The following GPC5 variants were observed in gnomAD, a reference collection of about 807,000 sequenced individuals.
GPC5 encodes glypican-5.
GPC5 carries 47 observed loss-of-function variants against 53.9 expected under a neutral mutation model. The ratio of observed to expected loss-of-function variants is 0.87; its 90% CI spans 0.69 to 1.11. The LOEUF is 1.11. GPC5 is among the 50% of genes most tolerant of loss of function. The probability of loss-of-function intolerance (pLI) is 0.00; values close to 1 mark genes in which losing one functional copy is unlikely to be tolerated. For missense variants in GPC5, 748 were observed against 713.1 expected (o/e 1.05, Z -0.56); for synonymous variants, 286 against 263.3 (o/e 1.09, Z -0.84).
intron 1 of GPC5, among the ~76,000 whole-genome samples, chr13:91,448,216 T>C (rs1880933936): frequency 6.6e-6 from 1 of 152,238 alleles, no homozygotes; most frequent in African/African-American, 2.4e-5. Context: ...GATGCTGAGC[T>C]TGGGCCCATG....
intron 2 of GPC5, among the ~76,000 whole-genome samples, chr13:91,639,386 T>A (rs553828920): frequency 3.9e-5 from 6 of 152,206 alleles, no homozygotes; most frequent in Non-Finnish European, 8.8e-5. Context: ...TTCTGATGAT[T>A]CATAAACTGA....
intron 6 of GPC5, among the ~76,000 whole-genome samples, chr13:92,084,203 GT>G (rs1359871175): frequency 6.6e-6 from 1 of 152,180 alleles, no homozygotes. Context: ...AGGTTGATAG[GT>G]GTAACAAACC....
At chr13:91,623,519 C>G (rs1208446080) in intron 2 of GPC5, among the ~76,000 whole-genome samples, 1 of 152,052 alleles carries the variant, frequency 6.6e-6, no homozygotes, top group Non-Finnish European at 1.5e-5. Context: ...CCATGGGAAG[C>G]AATGGTTTGG....
chr13:92,264,878 CTGTGTGTGTGTG>C (rs71815584), intron 7 of GPC5, among the ~76,000 whole-genome samples: 2,676 of 104,714 alleles, frequency 0.026, 87 homozygotes, highest in African/African-American at 0.076. Flanking sequence ...CTCTCTCTCT[CTGTGTGTGTGTG>C]TGTGTGTGTG....
At chr13:92,606,823 G>A (rs983396578) in intron 7 of GPC5, among the ~76,000 whole-genome samples, 6 of 151,974 alleles carry the variant, frequency 3.9e-5, no homozygotes, top group Non-Finnish European at 7.4e-5. Context: ...TATGACTGCC[G>A]TCTTGACCAT....
intron 7 of GPC5, among the ~76,000 whole-genome samples, chr13:92,335,726 TG>T (rs1165111351): frequency 6.6e-6 from 1 of 152,214 alleles, no homozygotes; most frequent in Non-Finnish European, 1.5e-5. Context: ...AGGGTTAAAA[TG>T]CTGCCAGTCT....
chr13:92,180,958 C>T (rs566160378), intron 7 of GPC5: 2 of 153,238 alleles, frequency 1.3e-5, no homozygotes, highest in East Asian at 1.9e-4. Flanking sequence ...GTAAAATACA[C>T]CTTCAGCTAC....
intron 7 of GPC5, among the ~76,000 whole-genome samples, chr13:92,630,135 T>C (rs1263553515): frequency 6.6e-6 from 1 of 152,162 alleles, no homozygotes; most frequent in Non-Finnish European, 1.5e-5. Flanking sequence ...TTTGATAAAA[T>C]ATGACAGTCA....
intron 7 of GPC5, among the ~76,000 whole-genome samples, chr13:92,613,386 T>TAA (rs1566320327): frequency 1.4e-5 from 1 of 70,706 alleles, no homozygotes; most frequent in African/African-American, 4.5e-5. Context: ...TATATTATAT[T>TAA]ATATATAAAT....
chr13:91,927,483 T>C (rs1273437171), intron 6 of GPC5, among the ~76,000 whole-genome samples: 1 of 152,132 alleles, frequency 6.6e-6, no homozygotes, highest in Non-Finnish European at 1.5e-5. Context: ...ATTGATGCAT[T>C]ATATTTATCT....
intron 6 of GPC5, among the ~76,000 whole-genome samples, chr13:92,064,756 C>CAAAAAAAAAAAAAAAAAAAAAA (rs1175120330): frequency 0.046 from 1,485 of 32,340 alleles, 265 homozygotes; most frequent in Non-Finnish European, 0.066. Flanking sequence ...GACTCCGTCT[C>CAAAAAAAAAAAAAAAAAAAAAA]AAAAAAAAAA....
intron 7 of GPC5, among the ~76,000 whole-genome samples, chr13:92,329,242 G>A (rs376008831): frequency 6.6e-6 from 1 of 152,130 alleles, no homozygotes; most frequent in Non-Finnish European, 1.5e-5. Flanking sequence ...AGGAAGCATG[G>A]CATCCGCAGC....
chr13:91,415,464 C>T (rs1176798066), intron 1 of GPC5, among the ~76,000 whole-genome samples: 2 of 152,110 alleles, frequency 1.3e-5, no homozygotes, highest in East Asian at 3.9e-4. Context: ...TTCCCCAGTC[C>T]ACAGCCGCAC....
chr13:91,417,740 G>C (rs1472709184), intron 1 of GPC5, among the ~76,000 whole-genome samples: 1 of 152,142 alleles, frequency 6.6e-6, no homozygotes, highest in Non-Finnish European at 1.5e-5. Flanking sequence ...CTTGTTATAA[G>C]CATATATGCC....
At chr13:91,926,683 A>T (rs1468591911) in intron 6 of GPC5, among the ~76,000 whole-genome samples, 1 of 152,232 alleles carries the variant, frequency 6.6e-6, no homozygotes, top group Non-Finnish European at 1.5e-5. Flanking sequence ...CAAGGATCGA[A>T]GTCAAGGAGT....
intron 5 of GPC5, among the ~76,000 whole-genome samples, chr13:91,905,944 A>G (rs930796644): frequency 6.6e-6 from 1 of 152,044 alleles, no homozygotes; most frequent in African/African-American, 2.4e-5. Context: ...AACATGGATG[A>G]CTTGTATAGT....
chr13:92,758,752 C>A (rs1875022066), intron 7 of GPC5, among the ~76,000 whole-genome samples: 1 of 152,000 alleles, frequency 6.6e-6, no homozygotes, highest in African/African-American at 2.4e-5. Flanking sequence ...TCAGAAATTA[C>A]ATGGGAATGT....
At chr13:91,903,529 T>C (rs2039520877) in intron 5 of GPC5, among the ~76,000 whole-genome samples, 1 of 152,160 alleles carries the variant, frequency 6.6e-6, no homozygotes. Context: ...ATCATTTCTC[T>C]TTTTTATTTG....
At chr13:92,458,391 C>T (rs771138204) in intron 7 of GPC5, among the ~76,000 whole-genome samples, 10 of 151,926 alleles carry the variant, frequency 6.6e-5, no homozygotes, top group South Asian at 2.1e-4. Context: ...CTCCACATCC[C>T]GGGTTTAAGA....
Sources: gnomAD v4.1 joint callset for allele counts (sites outside exome capture counted in the v4.1 genomes callset) on GRCh38, gnomAD v4.1.1 for gene constraint, MANE v1.5 for transcripts, NCBI Gene and HGNC (gene_info 2026-07-23, HGNC 2026-07-21) for gene names.